Variants in NEBL observed in about 807,000 individuals in gnomAD.
The protein encoded by NEBL is nebulette.
Under a neutral mutation model 140.2 loss-of-function variants are expected in NEBL, and 122 were observed. The ratio of observed to expected loss-of-function variants is 0.87; its 90% confidence interval spans 0.75 to 1.01. The LOEUF is 1.01. Among genes scored for constraint, NEBL ranks in the 50% least tolerant of loss-of-function variants. The pLI is 0.00. For synonymous variants in NEBL, 436 were observed against 398.9 expected (o/e 1.09, Z -1.11); for missense variants, 1,365 against 1,231.3 (o/e 1.11, Z -1.62).
chr10:20,919,854 C>A (rs1047197926), intron 4 of NEBL, among the ~76,000 whole-genome samples: 1 of 152,062 alleles, frequency 6.6e-6, no homozygotes, highest in African/African-American at 2.4e-5. Flanking sequence ...GAATAATAAT[C>A]TAAAATGTAC....
chr10:21,262,695 C>A (rs1315923846), intron 1 of NEBL, among the ~76,000 whole-genome samples: 7 of 152,132 alleles, frequency 4.6e-5, no homozygotes, highest in Non-Finnish European at 1.0e-4. Flanking sequence ...TGTGTCTGAG[C>A]ACATTGGTTG....
At chr10:21,118,301 T>C (rs146330302) in intron 2 of NEBL, among the ~76,000 whole-genome samples, 332 of 152,314 alleles carry the variant, frequency 2.2e-3, no homozygotes, top group African/African-American at 6.9e-3. Flanking sequence ...AGTGTCACCA[T>C]TTTACAGATA....
At chr10:21,211,345 G>A (rs1841912229) in intron 3 of NEBL, among the ~76,000 whole-genome samples, 1 of 152,128 alleles carries the variant, frequency 6.6e-6, no homozygotes, top group South Asian at 2.1e-4. Context: ...GCTGGGTGTG[G>A]TGGTGCACAC....
At chr10:21,054,490 C>G (rs561338502) in intron 2 of NEBL, among the ~76,000 whole-genome samples, 1 of 152,286 alleles carries the variant, frequency 6.6e-6, no homozygotes, top group South Asian at 2.1e-4. Context: ...CTCGGACAGG[C>G]ATCGGGGAAT....
At chr10:21,005,205 G>A (rs1210251995) in intron 3 of NEBL, among the ~76,000 whole-genome samples, 1 of 152,140 alleles carries the variant, frequency 6.6e-6, no homozygotes, top group African/African-American at 2.4e-5. Context: ...TCTTTAAGGA[G>A]CACAAGGCCT....
chr10:21,241,942 C>CT (rs34999806), intron 3 of NEBL, among the ~76,000 whole-genome samples: 43,811 of 152,104 alleles, frequency 0.29, 7,437 homozygotes, highest in African/African-American at 0.47. Context: ...AGGCTCACGC[C>CT]TGTAATCCTA....
intron 4 of NEBL, among the ~76,000 whole-genome samples, chr10:20,938,258 A>C (rs1023719194): frequency 1.3e-5 from 2 of 152,212 alleles, no homozygotes; most frequent in African/African-American, 4.8e-5. Context: ...AGGAACGATC[A>C]AGCAGCAACA....
chr10:20,971,428 C>T (rs182463025), intron 3 of NEBL, among the ~76,000 whole-genome samples: 64 of 151,572 alleles, frequency 4.2e-4, no homozygotes, highest in African/African-American at 1.5e-3. Context: ...AATTCACACA[C>T]AGAATAGAAT....
chr10:21,149,761 G>A (rs1169907749), intron 2 of NEBL, among the ~76,000 whole-genome samples: 1 of 152,232 alleles, frequency 6.6e-6, no homozygotes, highest in Non-Finnish European at 1.5e-5. Context: ...GGCATTGGAA[G>A]TGGGTGACGG....
At chr10:20,965,371 G>T (rs923567484) in intron 3 of NEBL, among the ~76,000 whole-genome samples, 4 of 152,228 alleles carry the variant, frequency 2.6e-5, no homozygotes, top group Non-Finnish European at 5.9e-5. Context: ...GGTGGTCAGG[G>T]AAGTCCCCAG....
At chr10:20,821,973 A>G (rs1357040328) in intron 19 of NEBL, among the ~76,000 whole-genome samples, 2 of 152,158 alleles carry the variant, frequency 1.3e-5, no homozygotes, top group African/African-American at 4.8e-5. Context: ...TCTAACTCCA[A>G]CGTTACCCCT....
At chr10:20,931,249 T>C (rs780719489) in intron 4 of NEBL, among the ~76,000 whole-genome samples, 2 of 152,230 alleles carry the variant, frequency 1.3e-5, no homozygotes, top group Non-Finnish European at 2.9e-5. Flanking sequence ...AGATATTAAA[T>C]TCTTCTGCAA....
At position 20,788,205 on chromosome 10, in the gene NEBL, A is replaced by G. The variant is rs185392482; in HGVS notation, c.2762-897T>C. Among the ~76,000 whole-genome samples the G allele has an allele frequency of 2.4e-4, 37 of 152,324 alleles. No homozygotes were observed. In the East Asian group the frequency reaches 6.6e-3, roughly 27 times the overall value. ...GTTTAAGTTATCTGTGACCAGAAAC[A>G]TGAGCTATAAATGAGGGTATTTTCG... is the stretch of plus-strand genomic sequence containing the variant. On this transcript the variant is annotated intron_variant, in intron 26 of 27. Transcript: ENST00000377122.
At chr10:21,248,697 T>C (rs1300991177) in intron 2 of NEBL, among the ~76,000 whole-genome samples, 1 of 152,226 alleles carries the variant, frequency 6.6e-6, no homozygotes, top group Non-Finnish European at 1.5e-5. Flanking sequence ...GTAGAGTTGT[T>C]GAATCCTATG....
chr10:21,091,897 G>T (rs1462985035), intron 2 of NEBL, among the ~76,000 whole-genome samples: 1 of 152,186 alleles, frequency 6.6e-6, no homozygotes, highest in Non-Finnish European at 1.5e-5. Flanking sequence ...CTCTCAAAAT[G>T]CTGGGATTAC....
At chr10:20,996,123 C>A (rs1761181676) in intron 3 of NEBL, among the ~76,000 whole-genome samples, 1 of 152,106 alleles carries the variant, frequency 6.6e-6, no homozygotes, top group Non-Finnish European at 1.5e-5. Flanking sequence ...CAGCATAAAC[C>A]AAAGAAGGCT....
At chr10:20,965,771 C>G (rs897936301) in intron 3 of NEBL, among the ~76,000 whole-genome samples, 4 of 152,138 alleles carry the variant, frequency 2.6e-5, no homozygotes, top group African/African-American at 9.7e-5. Context: ...CAATATCCAG[C>G]CACCTCCCCC....
chr10:21,188,242 T>G (rs1841509254), intron 3 of NEBL, among the ~76,000 whole-genome samples: 1 of 152,012 alleles, frequency 6.6e-6, no homozygotes, highest in South Asian at 2.1e-4. Context: ...TGGACGGGAG[T>G]AGCAACTTTC....
At chr10:21,279,605 A>C (rs981939486) in intron 1 of NEBL, among the ~76,000 whole-genome samples, 5 of 152,076 alleles carry the variant, frequency 3.3e-5, no homozygotes, top group Non-Finnish European at 1.5e-5. Context: ...AAAAATACAA[A>C]AAATTAGCTG....
Sources: gnomAD v4.1 joint callset for allele counts (sites outside exome capture counted in the v4.1 genomes callset) on GRCh38, gnomAD v4.1.1 for gene constraint, MANE v1.5 for transcripts, NCBI Gene and HGNC (gene_info 2026-07-23, HGNC 2026-07-21) for gene names.